Variants in SORCS2 observed in about 807,000 individuals in gnomAD.
The protein encoded by SORCS2 is VPS10 domain-containing receptor SorCS2.
A neutral mutation model predicts 141.6 loss-of-function variants in SORCS2; 100 were observed. That is an observed-to-expected ratio of 0.71 (90% CI 0.60 to 0.83). The LOEUF (loss-of-function observed/expected upper bound fraction) is 0.83. Ranked by LOEUF, SORCS2 falls within the 40% of genes least tolerant of loss-of-function variation. The pLI, the probability that SORCS2 is intolerant of heterozygous loss-of-function variation, is 0.00. For missense variants in SORCS2, 1,646 were observed against 1,560.2 expected (o/e 1.05, Z -0.93); for synonymous variants, 789 against 676.9 (o/e 1.17, Z -2.57).
In SORCS2 at chr4:7,664,325, C is replaced by T. The variant is rs759845628; in HGVS notation, c.953-28C>T. 2.4e-5 allele frequency: 39 copies of T among 1,592,612 alleles called. No homozygotes were observed. The South Asian group carries it at 3.2e-4, about 13-fold the overall frequency. ...TCTCTGGCTCCGGCTGGAGTCTGACCGCCTGGGTCGGCGCCTCTCTCCTGT... is the reference window on the plus strand; with the variant it reads ...TCTCTGGCTCCGGCTGGAGTCTGACTGCCTGGGTCGGCGCCTCTCTCCTGT... On this transcript the variant is annotated intron_variant, in intron 6 of 26. Coordinates refer to ENST00000507866, the MANE Select transcript of SORCS2 (RefSeq NM_020777.3). The surrounding 1 kb of genome is among the most constrained non-coding windows in gnomAD (Gnocchi z 4.7).
intron 16 of SORCS2, 76 bp from the exon 17 acceptor site, chr4:7,715,107 A>C: frequency 1.3e-6 from 2 of 1,584,486 alleles, no homozygotes; most frequent in South Asian, 1.2e-5. Flanking sequence ...CAGCTCCCCC[A>C]GATTTCACCC....
intron 25 of SORCS2, among the ~76,000 whole-genome samples, chr4:7,734,866 G>A (rs1217130694): frequency 6.6e-6 from 1 of 152,194 alleles, no homozygotes; most frequent in East Asian, 1.9e-4. Context: ...CCTGCCAGGC[G>A]CTCCCGTGGG....
chr4:7,491,302 G>T (rs371371405), intron 2 of SORCS2, among the ~76,000 whole-genome samples: 136 of 152,336 alleles, frequency 8.9e-4, no homozygotes, highest in African/African-American at 3.1e-3. Context: ...CAGGAAGCCA[G>T]TTGTGGTGCT....
Position 7,193,271 on chromosome 4 carries a change from G to A in SORCS2, c.480+145G>A. ...CGACTTGGGCACTTGGGTCACCTCG[G>A]CCGCGCCCCTACTGGCCTCTGGTCA... On this transcript the variant is annotated intron_variant, in intron 1 of 26. Transcript: ENST00000507866. This position sits in a 1 kb window ranked among gnomAD's most constrained non-coding sequence, Gnocchi z 4.8. 1 of 1,103,750 alleles carries A rather than the reference G, an allele frequency of 9.1e-7. No individual in the cohort carries two copies. Among genetic ancestry groups the A allele is most frequent in the Non-Finnish European group, 1.2e-6 (1 of 851,194 alleles). 68.4% of individuals were successfully genotyped at this position (1,103,750 alleles called of 1,614,324 possible). A position where few individuals can be genotyped will look rare whatever the true frequency, so the allele number is the denominator to read the frequency against.
rs117988967 is a variant in SORCS2 at position 7,504,197 on chromosome 4, C to T, written c.549-27333C>T. Among the ~76,000 whole-genome samples, 7 of 152,366 alleles carry T rather than the reference C, an allele frequency of 4.6e-5. No individual in the cohort carries two copies. The East Asian group carries it at 1.4e-3, about 29-fold the overall frequency. ...TGGGAATCACACACCGGGATCCTCA[C>T]TCCCAGCTCAAGCCCTTTTCTCCTG... On this transcript the variant is annotated intron_variant, in intron 2 of 26. Transcript: ENST00000507866.
intron 3 of SORCS2, among the ~76,000 whole-genome samples, chr4:7,594,996 T>C (rs1294099653): frequency 6.6e-6 from 1 of 152,104 alleles, no homozygotes; most frequent in African/African-American, 2.4e-5. Context: ...TCAGTTCAAT[T>C]CTGACACCAT....
At chr4:7,448,235 G>A (rs148243212) in intron 2 of SORCS2, among the ~76,000 whole-genome samples, 3,847 of 152,184 alleles carry the variant, frequency 0.025, 103 homozygotes, top group Admixed American at 0.036. Flanking sequence ...GGAGTGTGGC[G>A]CCTGGAGGTG....
intron 3 of SORCS2, among the ~76,000 whole-genome samples, chr4:7,631,899 C>A (rs1276035535): frequency 1.3e-5 from 2 of 152,224 alleles, no homozygotes; most frequent in African/African-American, 2.4e-5. Context: ...TCCCTAGACT[C>A]TTCCAAGCCT....
chr4:7,537,072 A>G (rs1231782947), intron 3 of SORCS2, among the ~76,000 whole-genome samples: 1 of 152,144 alleles, frequency 6.6e-6, no homozygotes, highest in Non-Finnish European at 1.5e-5. Flanking sequence ...TAGCAAGCTG[A>G]TGGGGCTCCC....
chr4:7,484,252 C>T (rs557736288), intron 2 of SORCS2, among the ~76,000 whole-genome samples: 22 of 152,312 alleles, frequency 1.4e-4, no homozygotes, highest in African/African-American at 5.1e-4. Flanking sequence ...CCGAGGTGAT[C>T]GATTTAGGTG....
At chr4:7,455,555 A>C (rs1202031865) in intron 2 of SORCS2, among the ~76,000 whole-genome samples, 5 of 137,888 alleles carry the variant, frequency 3.6e-5, no homozygotes, top group Non-Finnish European at 6.1e-5. Context: ...CGTTAGGGTC[A>C]GGCACTGTGT....
chr4:7,310,930 A>G (rs993727424), intron 1 of SORCS2, among the ~76,000 whole-genome samples: 4 of 152,214 alleles, frequency 2.6e-5, no homozygotes, highest in African/African-American at 9.6e-5. Flanking sequence ...AGTTTTATTG[A>G]GGTATAATAG....
chr4:7,508,001 C>CTATA (rs71175411), intron 2 of SORCS2, among the ~76,000 whole-genome samples: 109,745 of 151,442 alleles, frequency 0.72, 40,053 homozygotes, highest in East Asian at 0.99. Flanking sequence ...GGCAAAAACA[C>CTATA]TACAAAAATC....
intron 2 of SORCS2, among the ~76,000 whole-genome samples, chr4:7,484,597 C>G (rs1248272134): frequency 6.6e-6 from 1 of 152,166 alleles, no homozygotes; most frequent in African/African-American, 2.4e-5. Flanking sequence ...AGGAAGGCCT[C>G]TGCACCTGGG....
rs570358714 is a variant in SORCS2 at position 7,238,503 on chromosome 4, T to C, written c.480+45377T>C. On this transcript the variant is annotated intron_variant, in intron 1 of 26. Transcript: ENST00000507866. ...GTTCTCACTGGTCACTGGGTGGCGC[T>C]GTGAGCTCAGAGCAGCTTGGTTGCT... Among the ~76,000 whole-genome samples, 7 of 152,342 alleles carry C rather than the reference T, an allele frequency of 4.6e-5. No homozygotes were observed. The South Asian group carries it at 1.5e-3, about 32-fold the overall frequency.
chr4:7,592,589 C>T lies in SORCS2; in HGVS notation c.649-45739C>T, dbSNP rs539264911. Among the ~76,000 whole-genome samples the T allele has an allele frequency of 4.6e-5, 7 of 152,354 alleles. No homozygotes were observed. The East Asian group carries it at 1.4e-3, about 29-fold the overall frequency. Reference sequence around the variant, plus strand: ...GCTAGGACCATGAAAAGTCCACATGCAAATCTGCGGTCTCTCCCCGTCTCA... The same window carrying T: ...GCTAGGACCATGAAAAGTCCACATGTAAATCTGCGGTCTCTCCCCGTCTCA... On this transcript the variant is annotated intron_variant, in intron 3 of 26. Transcript: ENST00000507866.
chr4:7,689,367 A>T, intron 10 of SORCS2, 119 bp from the exon 11 acceptor site: 1 of 862,010 alleles, frequency 1.2e-6, no homozygotes. Flanking sequence ...CCTCCAAGGC[A>T]CTCCTGGCCC....
chr4:7,582,823 G>C (rs954228009), intron 3 of SORCS2, among the ~76,000 whole-genome samples: 1 of 151,992 alleles, frequency 6.6e-6, no homozygotes. Context: ...CTTAGCAGCC[G>C]TAGCAGCAAT....
intron 1 of SORCS2, among the ~76,000 whole-genome samples, chr4:7,391,347 G>T (rs1010936430): frequency 2.6e-5 from 4 of 152,192 alleles, no homozygotes; most frequent in African/African-American, 9.7e-5. Flanking sequence ...TGGGTCCGAG[G>T]CTGGTTAGCC....
Sources: gnomAD v4.1 joint callset for allele counts (sites outside exome capture counted in the v4.1 genomes callset) on GRCh38, gnomAD v4.1.1 for gene constraint, Gnocchi (gnomAD v3.1) non-coding constraint, MANE v1.5 for transcripts, NCBI Gene and HGNC (gene_info 2026-07-23, HGNC 2026-07-21) for gene names.